The following POLI variants were observed in gnomAD, a reference collection of about 807,000 sequenced individuals.
POLI encodes the protein DNA polymerase iota, also known as RAD30 homolog B.
A neutral mutation model predicts 51.6 loss-of-function variants in POLI; 58 were observed. That is an observed-to-expected ratio of 1.12 (90% confidence interval 0.91 to 1.40). The LOEUF is 1.40. Ranked by LOEUF, POLI falls within the 40% of genes most tolerant of loss-of-function variation. The pLI, the probability that POLI is intolerant of heterozygous loss-of-function variation, is 0.00. For synonymous variants in POLI, 322 were observed against 299.7 expected, an observed-to-expected ratio of 1.07 and a Z score of -0.77; for missense variants, 921 against 871.3, an observed-to-expected ratio of 1.06 and a Z score of -0.72.
At chr18:54,311,008 T>C in intron 3 of POLI, 1 of 625,592 alleles carries the variant, frequency 1.6e-6, no homozygotes, top group Non-Finnish European at 2.0e-6. Flanking sequence ...TCCTCCTGCC[T>C]TTGCTTCCTG....
intron 8 of POLI, among the ~76,000 whole-genome samples, chr18:54,289,875 C>G (rs2087923244): frequency 6.6e-6 from 1 of 152,112 alleles, no homozygotes; most frequent in African/African-American, 2.4e-5. Flanking sequence ...CATAAAAACC[C>G]TAGAAGAAAA....
intron 4 of POLI, 135 bp from the exon 5 acceptor site, chr18:54,280,532 C>T: frequency 1.6e-6 from 1 of 631,648 alleles, no homozygotes; most frequent in South Asian, 1.9e-5. Flanking sequence ...CACAACCATA[C>T]CAGGTGATGA....
At position 54,296,199 on chromosome 18, in the gene POLI, G is replaced by A. The variant is rs1156322912; in HGVS notation, c.*1732G>A. 1.0e-6 allele frequency: 1 copy of A among 984,868 alleles called. No individual in the cohort carries two copies. Among genetic ancestry groups the A allele is most frequent in the Non-Finnish European group, 1.2e-6 (1 of 829,574 alleles). 61.0% of individuals were successfully genotyped at this position (984,868 alleles called of 1,614,324 possible). ...TTTTATAGTCCTTGTAATGATTTCA[G>A]GACCTTGGACAGCTAGAAGGGGCTT... On this transcript the variant is annotated 3_prime_UTR_variant, in exon 10 of 10. Transcript: ENST00000579534.
At chr18:54,289,180 T>C (rs1286214194) in intron 8 of POLI, among the ~76,000 whole-genome samples, 1 of 151,096 alleles carries the variant, frequency 6.6e-6, no homozygotes, top group Non-Finnish European at 1.5e-5. Context: ...GTGTAGCCAC[T>C]GATTTCTCTG....
Position 54,297,936 on chromosome 18 carries a change from T to C in POLI, c.*3469T>C, listed in dbSNP as rs2088413776. The C allele has an allele frequency of 1.0e-6, 1 of 981,832 alleles. No homozygotes were observed. Among genetic ancestry groups the C allele is most frequent in the East Asian group, 1.1e-4 (1 of 8,806 alleles). The allele number at this position is 981,832 out of a possible 1,614,324, so 60.8% of individuals were successfully genotyped here. A position where few individuals can be genotyped will look rare whatever the true frequency, so the allele number is the denominator to read the frequency against. On this transcript the variant is annotated 3_prime_UTR_variant, in exon 10 of 10. Transcript: ENST00000579534. ...GAATTCTTTATACCTTCTGAAATTA[T>C]GTCCTTAGAGCTGTAGATTTAGAAC...
intron 3 of POLI, among the ~76,000 whole-genome samples, chr18:54,307,738 T>C (rs2088611297): frequency 6.6e-6 from 1 of 152,200 alleles, no homozygotes; most frequent in Non-Finnish European, 1.5e-5. Flanking sequence ...TGTAGATCAC[T>C]AAGGACTTGC....
At chr18:54,304,676 G>A (rs1329158398) in intron 3 of POLI, among the ~76,000 whole-genome samples, 1 of 151,836 alleles carries the variant, frequency 6.6e-6, no homozygotes, top group Non-Finnish European at 1.5e-5. Context: ...TTGACAGATG[G>A]GTAGATTGCA....
At chr18:54,304,826 A>G (rs1350431871) in intron 3 of POLI, among the ~76,000 whole-genome samples, 4 of 152,180 alleles carry the variant, frequency 2.6e-5, no homozygotes, top group African/African-American at 7.2e-5. Flanking sequence ...TTAGACATGA[A>G]GTCCTTGCCC....
downstream of POLI, among the ~76,000 whole-genome samples, chr18:54,301,255 G>A (rs112904184): frequency 1.2e-4 from 18 of 151,774 alleles, no homozygotes; most frequent in Non-Finnish European, 2.9e-5. Flanking sequence ...CTCCAGCCCA[G>A]GCAACAGTGT....
At chr18:54,305,130 T>C (rs2088560056) in intron 3 of POLI, among the ~76,000 whole-genome samples, 1 of 152,216 alleles carries the variant, frequency 6.6e-6, no homozygotes, top group African/African-American at 2.4e-5. Flanking sequence ...TATCTCTGTT[T>C]TTCTGCCAGT....
chr18:54,303,907 C>T (rs565061486), intron 3 of POLI, among the ~76,000 whole-genome samples: 1 of 151,874 alleles, frequency 6.6e-6, no homozygotes, highest in African/African-American at 2.4e-5. Flanking sequence ...TGCTATCCCT[C>T]CCCCATCCCC....
intron 8 of POLI, among the ~76,000 whole-genome samples, chr18:54,290,318 G>C (rs2087946441): frequency 6.6e-6 from 1 of 152,178 alleles, no homozygotes; most frequent in South Asian, 2.1e-4. Flanking sequence ...TCATTAAAAA[G>C]TCAGGAAACA....
chr18:54,278,652 T>G (rs2087360120), intron 4 of POLI, among the ~76,000 whole-genome samples: 1 of 152,242 alleles, frequency 6.6e-6, no homozygotes. Context: ...AGCAGAATGG[T>G]TTGTCTCCTT....
chr18:54,279,741 T>G (rs533515510), intron 4 of POLI, among the ~76,000 whole-genome samples: 10 of 152,332 alleles, frequency 6.6e-5, no homozygotes, highest in African/African-American at 2.4e-4. Flanking sequence ...CAACACTGTT[T>G]TACACCTAAA....
chr18:54,298,338 G>A (rs2088429223), downstream of POLI: 1 of 152,406 alleles, frequency 6.6e-6, no homozygotes, highest in Non-Finnish European at 1.5e-5. Context: ...TCCTCTGTCT[G>A]GACATCAGGC....
intron 3 of POLI, among the ~76,000 whole-genome samples, chr18:54,317,667 C>T (rs2088752230): frequency 6.6e-6 from 1 of 151,938 alleles, no homozygotes; most frequent in Non-Finnish European, 1.5e-5. Context: ...GTTGGGAGAC[C>T]AGCCTAGGCA....
At chr18:54,286,554 A>AAGAAAAAAGTT (rs759125831) in intron 7 of POLI, among the ~76,000 whole-genome samples, 25 of 152,172 alleles carry the variant, frequency 1.6e-4, no homozygotes, top group Non-Finnish European at 3.2e-4. Flanking sequence ...GTAATCTCGT[A>AAGAAAAAAGTT]AGAAAAAAGT....
Position 54,269,581 on chromosome 18 carries a change from G to A in POLI, c.35G>A (p.Gly12Asp). Reference protein sequence around the residue: ...EKLGVEPEEEGGGDDDEEDAE... With the variant: ...EKLGVEPEEEDGGDDDEEDAE... ...CTGGGGGTGGAGCCGGAGGAGGAAG[G>A]CGGCGGCGACGACGACGAGGAAGAC... Residue 12 changes from glycine to aspartate, a missense_variant, in exon 1 of 10, where the codon GGC (glycine) becomes GAC (aspartate). Gly to Asp is a moderately conservative substitution (Grantham distance 94, BLOSUM62 -1). Coordinates refer to ENST00000579534, the MANE Select transcript of POLI (RefSeq NM_007195.3). 6 of 1,416,690 alleles carry A rather than the reference G, an allele frequency of 4.2e-6. No individual in the cohort carries two copies. The highest frequency in any genetic ancestry group is 5.5e-6 in the Non-Finnish European group (6 of 1,098,890). The allele number at this position is 1,416,690 out of a possible 1,614,324, so 87.8% of individuals were successfully genotyped here. A position where few individuals can be genotyped will look rare whatever the true frequency, so the allele number is the denominator to read the frequency against.
chr18:54,296,517 C>G lies in POLI; in HGVS notation c.*2050C>G, dbSNP rs2088337278. The G allele has an allele frequency of 4.3e-6, 1 of 234,236 alleles. No homozygotes were observed. Among genetic ancestry groups the G allele is most frequent in the Non-Finnish European group, 7.0e-6 (1 of 143,444 alleles). 14.5% of individuals were successfully genotyped at this position (234,236 alleles called of 1,614,324 possible). ...TTTTATTCTTAGTATATACTGGCTT[C>G]TTCCTGTATCTTTTAATTCATGTTC... On this transcript the variant is annotated 3_prime_UTR_variant, in exon 10 of 10. Coordinates refer to ENST00000579534, the MANE Select transcript of POLI (RefSeq NM_007195.3).
Sources: allele counts gnomAD v4.1 joint callset (sites outside exome capture counted in the v4.1 genomes callset), GRCh38; gene constraint gnomAD v4.1.1; transcripts MANE v1.5; gene names NCBI Gene and HGNC (gene_info 2026-07-23, HGNC 2026-07-21).